The following OSBPL10 variants were observed in gnomAD, a reference collection of about 807,000 sequenced individuals.
OSBPL10 encodes the protein oxysterol binding protein like 10.
In OSBPL10, 49 loss-of-function variants were observed where a neutral mutation model predicts 81.7. The observed-to-expected ratio is 0.60, with a 90% confidence interval of 0.48 to 0.76. The LOEUF is 0.76. Ranked by LOEUF, OSBPL10 falls within the 30% of genes least tolerant of loss-of-function variation. OSBPL10 has a pLI of 0.00. For synonymous variants in OSBPL10, 419 were observed against 383.6 expected, an observed-to-expected ratio of 1.09 and a Z score of -1.08; for missense variants, 923 against 987.8, an observed-to-expected ratio of 0.93 and a Z score of 0.88.
In OSBPL10 at chr3:31,778,270, A is replaced by G. The variant is rs944699124; in HGVS notation, c.730-30150T>C. Among the ~76,000 whole-genome samples the G allele has an allele frequency of 3.9e-5, 6 of 152,312 alleles. No homozygotes were observed. The East Asian group carries it at 9.7e-4, about 25-fold the overall frequency. ...CTTTCCCCCACATCCCTAGTGACAG[A>G]GGCAGCCATAATCCCCTCTGGAACA... On this transcript the variant is annotated intron_variant, in intron 4 of 11. Transcript: ENST00000396556.
intron 4 of OSBPL10, among the ~76,000 whole-genome samples, chr3:31,794,137 C>G (rs1699115994): frequency 6.6e-6 from 1 of 152,156 alleles, no homozygotes; most frequent in Admixed American, 6.5e-5. Context: ...CCCCACTTTC[C>G]CCACATAGTT....
chr3:31,745,554 C>T (rs1039635658), intron 5 of OSBPL10, among the ~76,000 whole-genome samples: 1 of 152,172 alleles, frequency 6.6e-6, no homozygotes, highest in Non-Finnish European at 1.5e-5. Flanking sequence ...GGTTCCTGGC[C>T]TCAGTTTGGG....
intron 4 of OSBPL10, among the ~76,000 whole-genome samples, chr3:31,809,149 C>T (rs1699600259): frequency 6.6e-6 from 1 of 152,030 alleles, no homozygotes; most frequent in Non-Finnish European, 1.5e-5. Context: ...AAAGAGGAGG[C>T]AAAATGATCA....
At chr3:31,841,903 TA>T (rs1244903740) in intron 3 of OSBPL10, among the ~76,000 whole-genome samples, 3 of 152,140 alleles carry the variant, frequency 2.0e-5, no homozygotes, top group Non-Finnish European at 2.9e-5. Context: ...AAAATATCAA[TA>T]AAAGTGAGCT....
intron 4 of OSBPL10, among the ~76,000 whole-genome samples, chr3:31,791,575 T>C (rs548221350): frequency 1.1e-4 from 17 of 152,168 alleles, no homozygotes; most frequent in Non-Finnish European, 2.5e-4. Context: ...CTTAAAACCA[T>C]AGCCCCAGTG....
chr3:31,804,940 C>G (rs1440459550), intron 4 of OSBPL10, among the ~76,000 whole-genome samples: 1 of 152,140 alleles, frequency 6.6e-6, no homozygotes. Context: ...TTCAAACAAA[C>G]AACACTGTCT....
intron 3 of OSBPL10, among the ~76,000 whole-genome samples, chr3:31,870,974 C>T (rs1486129325): frequency 2.0e-5 from 3 of 152,050 alleles, no homozygotes; most frequent in Admixed American, 6.6e-5. Context: ...AGGTGGAGAA[C>T]CTTTGTGTCT....
chr3:31,823,126 C>A (rs1035000694), intron 4 of OSBPL10, among the ~76,000 whole-genome samples: 16 of 151,836 alleles, frequency 1.1e-4, no homozygotes, highest in Non-Finnish European at 4.4e-5. Context: ...TGTACACTCA[C>A]CAAATGCTAT....
intron 5 of OSBPL10, among the ~76,000 whole-genome samples, chr3:31,747,272 TG>T (rs1353900979): frequency 6.6e-6 from 1 of 151,794 alleles, no homozygotes; most frequent in Non-Finnish European, 1.5e-5. Flanking sequence ...GAGCCGAGAT[TG>T]TGCCACTGCA....
At chr3:31,870,990 A>G (rs1360202422) in intron 3 of OSBPL10, among the ~76,000 whole-genome samples, 1 of 152,182 alleles carries the variant, frequency 6.6e-6, no homozygotes, top group Non-Finnish European at 1.5e-5. Flanking sequence ...TGTCTAGCTC[A>G]GGGATTGTAA....
intron 1 of OSBPL10, among the ~76,000 whole-genome samples, chr3:32,065,862 C>A (rs568666169): frequency 1.2e-5 from 1 of 83,084 alleles, no homozygotes; most frequent in African/African-American, 3.1e-5. Flanking sequence ...TAGACTCCAG[C>A]CTGGGCAACG....
At chr3:31,966,816 T>C (rs939190036) in intron 1 of OSBPL10, among the ~76,000 whole-genome samples, 3 of 152,148 alleles carry the variant, frequency 2.0e-5, no homozygotes, top group Admixed American at 6.5e-5. Flanking sequence ...CTAAACACGA[T>C]ATCTGGATGG....
At chr3:31,759,987 C>A (rs1356745198) in intron 4 of OSBPL10, among the ~76,000 whole-genome samples, 5 of 152,180 alleles carry the variant, frequency 3.3e-5, no homozygotes, top group Non-Finnish European at 7.3e-5. Context: ...GTCTCGAACT[C>A]CTGACCTCAA....
intron 1 of OSBPL10, among the ~76,000 whole-genome samples, chr3:31,883,243 CTTT>C (rs34333418): frequency 4.2e-5 from 6 of 144,570 alleles, no homozygotes; most frequent in African/African-American, 7.7e-5. Context: ...GCATGCCACT[CTTT>C]TTTTTTTTTT....
intron 6 of OSBPL10, among the ~76,000 whole-genome samples, chr3:31,732,110 T>C (rs762636015): frequency 5.9e-5 from 9 of 152,228 alleles, no homozygotes; most frequent in South Asian, 2.1e-4. Flanking sequence ...ACTCACACGG[T>C]TGCCAACTTA....
intron 11 of OSBPL10, chr3:31,663,861 T>G: frequency 7.0e-7 from 1 of 1,431,036 alleles, no homozygotes. Context: ...AAGTGTCAGT[T>G]GCTCAGTTCT....
chr3:31,934,995 T>C, intron 1 of OSBPL10, among the ~76,000 whole-genome samples: 1 of 152,312 alleles, frequency 6.6e-6, no homozygotes, highest in Middle Eastern at 3.4e-3. Flanking sequence ...TCAATCTTTC[T>C]GATTTGCAAC....
chr3:31,693,378 C>T (rs1156807175), intron 7 of OSBPL10, among the ~76,000 whole-genome samples: 2 of 152,222 alleles, frequency 1.3e-5, no homozygotes, highest in Admixed American at 6.5e-5. Context: ...AAGATGTTCA[C>T]TATATCATCA....
intron 2 of OSBPL10, among the ~76,000 whole-genome samples, chr3:31,994,428 A>G (rs1443881840): frequency 2.0e-5 from 3 of 152,172 alleles, no homozygotes; most frequent in Non-Finnish European, 4.4e-5. Flanking sequence ...AAAAAGGTAT[A>G]TGAGGTCAAA....
Sources: allele counts gnomAD v4.1 joint callset (sites outside exome capture counted in the v4.1 genomes callset), GRCh38; gene constraint gnomAD v4.1.1; transcripts MANE v1.5; gene names NCBI Gene and HGNC (gene_info 2026-07-23, HGNC 2026-07-21).